Variants in MAF observed in about 807,000 individuals in gnomAD.
The protein encoded by MAF is MAF bZIP transcription factor.
Under a neutral mutation model 22.0 loss-of-function variants are expected in MAF, and 10 were observed. The observed-to-expected ratio is 0.45, with a 90% CI of 0.28 to 0.77. The LOEUF (loss-of-function observed/expected upper bound fraction) is 0.77. Among genes scored for constraint, MAF ranks in the 30% least tolerant of loss-of-function variants. The pLI, the probability that MAF is intolerant of heterozygous loss-of-function variation, is 0.12. For missense variants in MAF, 544 were observed against 548.4 expected, an observed-to-expected ratio of 0.99 and a Z score of 0.08; for synonymous variants, 337 against 255.8, an observed-to-expected ratio of 1.32 and a Z score of -3.03.
the MAF span, among the ~76,000 whole-genome samples, chr16:79,463,933 G>A: frequency 6.6e-6 from 1 of 150,666 alleles, no homozygotes. Context: ...TGTAAGAAGA[G>A]TGTTAGGAGA....
the MAF span, among the ~76,000 whole-genome samples, chr16:79,415,427 T>C: frequency 4.0e-5 from 6 of 149,202 alleles, no homozygotes; most frequent in Admixed American, 2.7e-4. Context: ...GGAAGGAAAA[T>C]TGTTGGGTGG....
At chr16:79,471,706 C>A in the MAF span, among the ~76,000 whole-genome samples, 92 of 152,226 alleles carry the variant, frequency 6.0e-4, no homozygotes, top group African/African-American at 2.0e-3. Flanking sequence ...AAAACCCAAA[C>A]AAGTAAAAAA....
the MAF span, among the ~76,000 whole-genome samples, chr16:79,416,334 A>G: frequency 6.6e-6 from 1 of 152,196 alleles, no homozygotes; most frequent in Non-Finnish European, 1.5e-5. Context: ...CGTCTCTGTG[A>G]CAAGCTCCAT....
the MAF span, among the ~76,000 whole-genome samples, chr16:79,219,824 G>A: frequency 6.6e-6 from 1 of 152,146 alleles, no homozygotes; most frequent in African/African-American, 2.4e-5. Context: ...AGCTGAACAA[G>A]TGGGAATTCC....
the MAF span, among the ~76,000 whole-genome samples, chr16:79,457,172 T>A: frequency 6.6e-6 from 1 of 152,210 alleles, no homozygotes; most frequent in Non-Finnish European, 1.5e-5. Flanking sequence ...AATGTCTCCA[T>A]GAAAAAATTT....
chr16:79,525,336 T>G, the MAF span, among the ~76,000 whole-genome samples: 3 of 152,112 alleles, frequency 2.0e-5, no homozygotes, highest in Non-Finnish European at 4.4e-5. Flanking sequence ...CTTTCTGACT[T>G]GGCAAGACAA....
chr16:79,581,847 A>T (rs955129863), downstream of MAF, among the ~76,000 whole-genome samples: 1 of 152,188 alleles, frequency 6.6e-6, no homozygotes, highest in Non-Finnish European at 1.5e-5. Flanking sequence ...CTTACACCTG[A>T]GGTCACTGCT....
the MAF span, among the ~76,000 whole-genome samples, chr16:79,488,329 G>T: frequency 6.6e-6 from 1 of 152,128 alleles, no homozygotes; most frequent in Admixed American, 6.5e-5. Context: ...GAAATGTTAG[G>T]TCCTCTCCTC....
the MAF span, among the ~76,000 whole-genome samples, chr16:79,265,560 A>AT: frequency 6.6e-6 from 1 of 152,208 alleles, no homozygotes; most frequent in African/African-American, 2.4e-5. Context: ...TTCCCTTGAC[A>AT]TACGTACCTA....
chr16:79,333,716 C>T, the MAF span, among the ~76,000 whole-genome samples: 29 of 152,288 alleles, frequency 1.9e-4, no homozygotes, highest in African/African-American at 4.6e-4. Flanking sequence ...TCACCACACG[C>T]GGAAACCTAT....
At chr16:79,252,039 C>A in the MAF span, among the ~76,000 whole-genome samples, 1 of 152,184 alleles carries the variant, frequency 6.6e-6, no homozygotes, top group Non-Finnish European at 1.5e-5. Context: ...CTTTGGAAAC[C>A]CACTGGTCTA....
At chr16:79,568,096 T>C in the MAF span, among the ~76,000 whole-genome samples, 1 of 152,178 alleles carries the variant, frequency 6.6e-6, no homozygotes, top group East Asian at 1.9e-4. Flanking sequence ...CAATATGTTT[T>C]CAAATGTTGG....
the MAF span, among the ~76,000 whole-genome samples, chr16:79,521,592 C>A: frequency 6.6e-6 from 1 of 152,156 alleles, no homozygotes; most frequent in Non-Finnish European, 1.5e-5. Context: ...TAGTCAACAT[C>A]TCTTAGAAGA....
the MAF span, among the ~76,000 whole-genome samples, chr16:79,295,309 C>T: frequency 5.3e-5 from 8 of 152,106 alleles, no homozygotes; most frequent in South Asian, 1.2e-3. Flanking sequence ...ATTCGTGAAT[C>T]GGGCGGCCTT....
chr16:79,567,310 C>A, the MAF span, among the ~76,000 whole-genome samples: 1 of 142,782 alleles, frequency 7.0e-6, no homozygotes, highest in Non-Finnish European at 1.5e-5. Flanking sequence ...AAGAGCAAGA[C>A]TCCACCTCAG....
chr16:79,324,928 C>A, the MAF span, among the ~76,000 whole-genome samples: 2 of 152,104 alleles, frequency 1.3e-5, no homozygotes, highest in Admixed American at 6.6e-5. Flanking sequence ...CCTCTTTGAG[C>A]TTCTGGTGGT....
chr16:79,419,331 A>G, the MAF span, among the ~76,000 whole-genome samples: 1 of 152,224 alleles, frequency 6.6e-6, no homozygotes, highest in African/African-American at 2.4e-5. Flanking sequence ...TGGTGTCACA[A>G]TATTTCACCT....
chr16:79,593,151 T>C (rs1200047936), downstream of MAF, among the ~76,000 whole-genome samples: 1 of 152,174 alleles, frequency 6.6e-6, no homozygotes, highest in South Asian at 2.1e-4. Flanking sequence ...CTTTTAAATA[T>C]ATTGATTGGC....
the MAF span, among the ~76,000 whole-genome samples, chr16:79,539,136 G>A: frequency 6.6e-6 from 1 of 152,222 alleles, no homozygotes. Flanking sequence ...GTGAAACTGG[G>A]TATCTCCTGT....
Sources: gnomAD v4.1 joint callset for allele counts (sites outside exome capture counted in the v4.1 genomes callset) on GRCh38, gnomAD v4.1.1 for gene constraint, MANE v1.5 for transcripts, NCBI Gene and HGNC (gene_info 2026-07-23, HGNC 2026-07-21) for gene names.